Variants in GALNT11 observed in about 807,000 individuals in gnomAD.
GALNT11 encodes the protein polypeptide N-acetylgalactosaminyltransferase 11.
In GALNT11, 47 loss-of-function variants were observed where a neutral mutation model predicts 72.7. That is an observed-to-expected ratio of 0.65 (90% CI 0.51 to 0.82). The LOEUF (loss-of-function observed/expected upper bound fraction) is 0.82, where lower values mean the gene tolerates loss of function less well. Ranked by LOEUF, GALNT11 falls within the 40% of genes least tolerant of loss-of-function variation. The probability of loss-of-function intolerance (pLI) is 0.00; values close to 1 mark genes in which losing one functional copy is unlikely to be tolerated. For missense variants in GALNT11, 677 were observed against 778.4 expected (o/e 0.87, Z 1.55); for synonymous variants, 270 against 286.6 (o/e 0.94, Z 0.58).
intron 1 of GALNT11, among the ~76,000 whole-genome samples, chr7:152,033,404 C>A (rs1456590190): frequency 6.6e-6 from 1 of 152,144 alleles, no homozygotes; most frequent in Non-Finnish European, 1.5e-5. Flanking sequence ...TCCTTTTGGG[C>A]CTGTTCCTCT....
At chr7:152,116,277 G>GTCTT (rs1037503299) in intron 8 of GALNT11, among the ~76,000 whole-genome samples, 12 of 152,100 alleles carry the variant, frequency 7.9e-5, no homozygotes, top group African/African-American at 2.9e-4. Context: ...TTGAATCAGA[G>GTCTT]TCTTACTCTG....
chr7:152,110,123 G>C (rs2088020452), intron 6 of GALNT11, among the ~76,000 whole-genome samples: 1 of 152,164 alleles, frequency 6.6e-6, no homozygotes, highest in Non-Finnish European at 1.5e-5. Flanking sequence ...TCCCAGTTGA[G>C]AGCCACTGGT....
intron 1 of GALNT11, among the ~76,000 whole-genome samples, chr7:152,027,444 C>T (rs1392819225): frequency 6.6e-6 from 1 of 152,162 alleles, no homozygotes; most frequent in Non-Finnish European, 1.5e-5. Context: ...CGATGACGCA[C>T]CAACAACCCC....
At chr7:152,105,462 G>A (rs1488904678) in intron 5 of GALNT11, 92 bp downstream of exon 5, 7 of 1,505,658 alleles carry the variant, frequency 4.6e-6, no homozygotes, top group Admixed American at 4.5e-5. Context: ...TCTATGAAGA[G>A]TAGTGTTTCA....
At chr7:152,086,699 C>G (rs2085668811) in intron 1 of GALNT11, among the ~76,000 whole-genome samples, 1 of 152,174 alleles carries the variant, frequency 6.6e-6, no homozygotes, top group African/African-American at 2.4e-5. Context: ...TAGGTGCTGG[C>G]AGGTAGCCAA....
At chr7:152,061,503 C>T (rs1269830716) in intron 1 of GALNT11, among the ~76,000 whole-genome samples, 2 of 152,156 alleles carry the variant, frequency 1.3e-5, no homozygotes, top group Non-Finnish European at 1.5e-5. Flanking sequence ...TCAATTTTGG[C>T]TTTTGTTGCC....
intron 1 of GALNT11, among the ~76,000 whole-genome samples, chr7:152,033,008 C>T (rs1371467994): frequency 1.3e-5 from 2 of 152,206 alleles, no homozygotes; most frequent in Non-Finnish European, 2.9e-5. Flanking sequence ...GAAGGCCACG[C>T]CAGTGTCCAG....
chr7:152,096,044 A>T (rs184567693), intron 2 of GALNT11, among the ~76,000 whole-genome samples: 1 of 152,328 alleles, frequency 6.6e-6, no homozygotes, highest in African/African-American at 2.4e-5. Context: ...GTCATAAAAC[A>T]CTTAAGAATA....
intron 3 of GALNT11, among the ~76,000 whole-genome samples, chr7:152,102,676 A>G (rs950392697): frequency 1.3e-5 from 2 of 152,074 alleles, no homozygotes; most frequent in African/African-American, 4.8e-5. Flanking sequence ...TGTTGTTACC[A>G]TAATGTTAGA....
chr7:152,047,752 A>C (rs1334669277), intron 1 of GALNT11, among the ~76,000 whole-genome samples: 1 of 151,874 alleles, frequency 6.6e-6, no homozygotes, highest in South Asian at 2.1e-4. Context: ...TAAATAAGTA[A>C]ATAAATATAT....
At chr7:152,026,978 G>T (rs549729890) in intron 1 of GALNT11, among the ~76,000 whole-genome samples, 1 of 152,140 alleles carries the variant, frequency 6.6e-6, no homozygotes, top group African/African-American at 2.4e-5. Flanking sequence ...AGCCGGGTGC[G>T]GTGGCTCACG....
chr7:152,031,868 T>C (rs1018793597), intron 1 of GALNT11, among the ~76,000 whole-genome samples: 2 of 152,190 alleles, frequency 1.3e-5, no homozygotes, highest in African/African-American at 4.8e-5. Flanking sequence ...GGGGCCTGGC[T>C]ATCTTGCTCT....
intron 1 of GALNT11, among the ~76,000 whole-genome samples, chr7:152,080,895 A>G (rs1313383519): frequency 2.0e-5 from 3 of 152,078 alleles, no homozygotes; most frequent in South Asian, 2.1e-4. Flanking sequence ...GCTTGAACCC[A>G]GGAGGCAGAG....
intron 7 of GALNT11, among the ~76,000 whole-genome samples, chr7:152,111,616 C>G (rs1299677033): frequency 6.0e-5 from 9 of 150,488 alleles, no homozygotes; most frequent in Admixed American, 5.3e-4. Context: ...TTATTCCACT[C>G]TGTGTGTGTG....
At chr7:152,068,803 T>C (rs888265250) in intron 1 of GALNT11, among the ~76,000 whole-genome samples, 1 of 152,168 alleles carries the variant, frequency 6.6e-6, no homozygotes, top group South Asian at 2.1e-4. Context: ...ATTTCTATTT[T>C]AATTTTTATT....
At chr7:152,121,477 A>G (rs1420535733) in intron 11 of GALNT11, 69 bp from the exon 12 acceptor site, 8 of 1,559,048 alleles carry the variant, frequency 5.1e-6, no homozygotes, top group Middle Eastern at 1.7e-4. Context: ...TAAGTGCTCC[A>G]TCTCTCCTCT....
At chr7:152,026,789 C>G (rs953427025) in intron 1 of GALNT11, among the ~76,000 whole-genome samples, 17 of 152,226 alleles carry the variant, frequency 1.1e-4, no homozygotes, top group Admixed American at 2.0e-4. Context: ...TCCCACCTTT[C>G]CTGCCCGAAC....
intron 1 of GALNT11, among the ~76,000 whole-genome samples, chr7:152,085,503 G>T (rs1318398795): frequency 6.6e-6 from 1 of 152,078 alleles, no homozygotes; most frequent in Non-Finnish European, 1.5e-5. Flanking sequence ...GGATATTAAA[G>T]GCCTGGGTAA....
intron 1 of GALNT11, among the ~76,000 whole-genome samples, chr7:152,043,865 A>G (rs1563044110): frequency 6.6e-6 from 1 of 152,144 alleles, no homozygotes; most frequent in Non-Finnish European, 1.5e-5. Context: ...AAAGTTTCCA[A>G]GGTGGAATGA....
Sources: allele counts gnomAD v4.1 joint callset (sites outside exome capture counted in the v4.1 genomes callset), GRCh38; gene constraint gnomAD v4.1.1; transcripts MANE v1.5; gene names NCBI Gene and HGNC (gene_info 2026-07-23, HGNC 2026-07-21).